DOCK9: variants seen among roughly 807,000 people sequenced by gnomAD.
The protein encoded by DOCK9 is dedicator of cytokinesis protein 9.
In DOCK9, 89 loss-of-function variants were observed where a neutral mutation model predicts 263.3. The observed-to-expected ratio is 0.34, with a 90% CI of 0.28 to 0.40. The LOEUF is 0.40. DOCK9 is among the 10% of genes least tolerant of loss of function. DOCK9 has a pLI of 1.00. For synonymous variants in DOCK9, 976 were observed against 973.1 expected (o/e 1.00, Z -0.06); for missense variants, 2,140 against 2,603.4 (o/e 0.82, Z 3.87).
At chr13:98,811,509 C>T (rs1358904781) in intron 45 of DOCK9, among the ~76,000 whole-genome samples, 1 of 151,962 alleles carries the variant, frequency 6.6e-6, no homozygotes, top group African/African-American at 2.4e-5. Flanking sequence ...GTGGCATGAT[C>T]TTGGCTCACT....
chr13:98,940,611 A>G (rs937882981), intron 2 of DOCK9, among the ~76,000 whole-genome samples: 2 of 152,146 alleles, frequency 1.3e-5, no homozygotes, highest in African/African-American at 2.4e-5. Context: ...CTCATGGACT[A>G]TTTGAGCCTA....
At chr13:98,990,995 G>A (rs1176022117) in intron 1 of DOCK9, among the ~76,000 whole-genome samples, 2 of 152,092 alleles carry the variant, frequency 1.3e-5, no homozygotes, top group African/African-American at 4.8e-5. Context: ...CGCTGCACAA[G>A]GTTTGGGAAA....
chr13:98,806,406 T>G (rs1438775300), intron 48 of DOCK9, among the ~76,000 whole-genome samples: 2 of 152,196 alleles, frequency 1.3e-5, no homozygotes, highest in African/African-American at 4.8e-5. Context: ...AACAAATCAA[T>G]TTTGCACATT....
chr13:99,087,045 C>T (rs971797114), upstream of DOCK9, among the ~76,000 whole-genome samples: 6 of 152,162 alleles, frequency 3.9e-5, 1 homozygote, highest in South Asian at 1.0e-3. Flanking sequence ...CGGTGCACCA[C>T]GCCCCCCCTC....
intron 18 of DOCK9, 53 bp from the exon 19 acceptor site, chr13:98,886,677 TA>T: frequency 6.6e-7 from 1 of 1,519,722 alleles, no homozygotes; most frequent in Admixed American, 1.7e-5. Context: ...AGTAAGAAAT[TA>T]AACTTGGATA....
intron 3 of DOCK9, among the ~76,000 whole-genome samples, chr13:98,926,884 C>T (rs1348920150): frequency 6.6e-6 from 1 of 152,198 alleles, no homozygotes; most frequent in Non-Finnish European, 1.5e-5. Flanking sequence ...ACATGAACAA[C>T]GTCTCTATTC....
At chr13:98,960,074 CTA>C (rs1300624616) in intron 1 of DOCK9, among the ~76,000 whole-genome samples, 1 of 152,156 alleles carries the variant, frequency 6.6e-6, no homozygotes, top group Non-Finnish European at 1.5e-5. Flanking sequence ...CCGGTCCCCA[CTA>C]TTATTTGCAA....
At chr13:99,016,991 G>C (rs747029048) in intron 1 of DOCK9, among the ~76,000 whole-genome samples, 1 of 152,158 alleles carries the variant, frequency 6.6e-6, no homozygotes, top group African/African-American at 2.4e-5. Flanking sequence ...TTTTCTATGA[G>C]TAGTTTAGCC....
At chr13:98,979,428 C>G (rs1876533061), upstream of DOCK9, among the ~76,000 whole-genome samples, 1 of 152,116 alleles carries the variant, frequency 6.6e-6, no homozygotes, top group African/African-American at 2.4e-5. Context: ...GTGGGGAGAA[C>G]TGAGATGCCA....
At chr13:98,880,465 A>T (rs2044562163) in intron 26 of DOCK9, 82 bp downstream of exon 26, 4 of 1,581,132 alleles carry the variant, frequency 2.5e-6, no homozygotes, top group Non-Finnish European at 1.7e-6. Context: ...AAGAGCACTC[A>T]GAAAGGCTGT....
chr13:99,041,832 C>T (rs899312003), intron 1 of DOCK9, among the ~76,000 whole-genome samples: 1 of 152,156 alleles, frequency 6.6e-6, no homozygotes, highest in Non-Finnish European at 1.5e-5. Context: ...CAGAGAAGGC[C>T]ACGTGAAGAC....
chr13:99,015,615 G>A (rs771360241), intron 1 of DOCK9: 44 of 1,581,142 alleles, frequency 2.8e-5, no homozygotes, highest in Non-Finnish European at 3.5e-5. Flanking sequence ...CCATCCCCAA[G>A]GTGTGGATGT....
At chr13:99,018,313 C>G (rs931130648) in intron 1 of DOCK9, among the ~76,000 whole-genome samples, 9 of 152,232 alleles carry the variant, frequency 5.9e-5, no homozygotes, top group African/African-American at 2.2e-4. Context: ...TTCTCTCTCT[C>G]ACTCTTGCAT....
intron 9 of DOCK9, among the ~76,000 whole-genome samples, chr13:98,911,638 T>C (rs1242861911): frequency 6.6e-6 from 1 of 152,008 alleles, no homozygotes; most frequent in African/African-American, 2.4e-5. Context: ...CTCATGCCTG[T>C]AATCTCAGCA....
At chr13:99,079,808 A>C (rs559187484) in intron 1 of DOCK9, among the ~76,000 whole-genome samples, 1 of 152,148 alleles carries the variant, frequency 6.6e-6, no homozygotes, top group Non-Finnish European at 1.5e-5. Context: ...GGGATGCCGA[A>C]GTGGGTGAAT....
chr13:99,007,526 T>C (rs997910199), intron 1 of DOCK9, among the ~76,000 whole-genome samples: 1 of 152,250 alleles, frequency 6.6e-6, no homozygotes, highest in African/African-American at 2.4e-5. Flanking sequence ...CATCTGTTTC[T>C]ACTCAGTATT....
chr13:98,975,466 A>AACACATACAC lies in DOCK9; in HGVS notation c.126+2308_126+2317dup, dbSNP rs776634777. ...ATCTACCATAATAGTATATTCTCTA[A>AACACATACAC]ACACATACACACACACACACACACA... On this transcript the variant is annotated intron_variant, in intron 1 of 52. Transcript: ENST00000682017. 1.5e-3 allele frequency among the ~76,000 whole-genome samples: 146 copies of AACACATACAC among 98,364 alleles called. 1 individual carries two copies. Among genetic ancestry groups the AACACATACAC allele is most frequent in the Non-Finnish European group, 2.3e-3 (105 of 45,858 alleles). 64.5% of individuals were successfully genotyped at this position (98,364 alleles called of 152,430 possible). A position where few individuals can be genotyped will look rare whatever the true frequency, so the allele number is the denominator to read the frequency against.
Position 98,883,875 on chromosome 13 carries a change from C to T in DOCK9, c.2407G>A (p.Val803Ile), listed in dbSNP as rs777796764. Residue 803 changes from valine (V) to isoleucine (I), a missense_variant, in exon 22 of 53, where the codon GTA (valine) becomes ATA (isoleucine). By Grantham distance (29) the Val-to-Ile change is conservative. Coordinates refer to ENST00000682017, the MANE Select transcript of DOCK9 (RefSeq NM_001366683.2). Reference protein sequence around the residue: ...GRHYGPEIKWVDGGKPLLKIS... With the variant: ...GRHYGPEIKWIDGGKPLLKIS... ...TTCAGCAGTGGCTTGCCTCCATCTACCCATTTAATTTCCGGACCATAATGC... is the reference window on the plus strand; with the variant it reads ...TTCAGCAGTGGCTTGCCTCCATCTATCCATTTAATTTCCGGACCATAATGC... The T allele has an allele frequency of 1.9e-6, 3 of 1,611,762 alleles. No homozygotes were observed. In the South Asian group the frequency reaches 3.3e-5, roughly 18 times the overall value.
intron 5 of DOCK9, among the ~76,000 whole-genome samples, chr13:98,922,457 C>T (rs977328759): frequency 6.6e-6 from 1 of 152,160 alleles, no homozygotes; most frequent in Non-Finnish European, 1.5e-5. Context: ...TGACCACTCA[C>T]GTTGGAAGGT....
Sources: allele counts gnomAD v4.1 joint callset (sites outside exome capture counted in the v4.1 genomes callset), GRCh38; gene constraint gnomAD v4.1.1; transcripts MANE v1.5; gene names NCBI Gene and HGNC (gene_info 2026-07-23, HGNC 2026-07-21).